SYN3: variants seen among roughly 807,000 people sequenced by gnomAD.
The protein encoded by SYN3 is synapsin III.
A neutral mutation model predicts 65.8 loss-of-function variants in SYN3; 35 were observed. That is an observed-to-expected ratio of 0.53 (90% CI 0.41 to 0.70). The LOEUF (loss-of-function observed/expected upper bound fraction) is 0.70. Among genes scored for constraint, SYN3 ranks in the 30% least tolerant of loss-of-function variants. The probability of loss-of-function intolerance (pLI) is 0.00; values close to 1 mark genes in which losing one functional copy is unlikely to be tolerated. For synonymous variants in SYN3, 270 were observed against 292.9 expected, an observed-to-expected ratio of 0.92 and a Z score of 0.80; for missense variants, 680 against 749.0, an observed-to-expected ratio of 0.91 and a Z score of 1.08.
chr22:32,969,149 G>A (rs973580071), intron 3 of SYN3, among the ~76,000 whole-genome samples: 2 of 152,156 alleles, frequency 1.3e-5, no homozygotes, highest in African/African-American at 2.4e-5. Context: ...AACTGAGCTG[G>A]GTTTCCCAGT....
At chr22:32,858,281 C>T (rs924913193) in intron 6 of SYN3, 19 of 1,201,894 alleles carry the variant, frequency 1.6e-5, no homozygotes, top group Admixed American at 2.5e-5. Context: ...CAGGTCTGAG[C>T]AGATATAGTA....
intron 6 of SYN3, among the ~76,000 whole-genome samples, chr22:32,642,644 G>A (rs184932161): frequency 5.0e-4 from 76 of 151,986 alleles, no homozygotes; most frequent in Admixed American, 9.8e-4. Flanking sequence ...GTTTCACCGT[G>A]GTCTCGATCT....
intron 9 of SYN3, among the ~76,000 whole-genome samples, chr22:32,537,098 T>C (rs777035628): frequency 1.3e-5 from 2 of 152,138 alleles, no homozygotes; most frequent in Non-Finnish European, 2.9e-5. Flanking sequence ...TCACAGGGCA[T>C]GCAGGCAAGA....
chr22:32,890,701 G>GT (rs777586154), intron 4 of SYN3, among the ~76,000 whole-genome samples: 3 of 151,934 alleles, frequency 2.0e-5, no homozygotes, highest in South Asian at 2.1e-4. Context: ...TTTTTAACCT[G>GT]TTTTTTCACA....
At chr22:32,744,578 G>A (rs1232769321) in intron 6 of SYN3, among the ~76,000 whole-genome samples, 4 of 152,196 alleles carry the variant, frequency 2.6e-5, no homozygotes, top group African/African-American at 9.6e-5. Context: ...AGGTTAATAA[G>A]TAAGAGACGG....
chr22:32,530,581 T>A (rs976144034), intron 10 of SYN3, among the ~76,000 whole-genome samples: 3 of 151,304 alleles, frequency 2.0e-5, no homozygotes, highest in African/African-American at 7.3e-5. Context: ...CGGGCCTATT[T>A]TTTTTTTTTT....
chr22:32,541,068 G>T (rs1010505620), intron 8 of SYN3, among the ~76,000 whole-genome samples: 1 of 152,166 alleles, frequency 6.6e-6, no homozygotes, highest in Admixed American at 6.5e-5. Context: ...AACCCATTAA[G>T]TTAATGAGAT....
At chr22:32,546,493 C>T (rs921435271) in intron 7 of SYN3, among the ~76,000 whole-genome samples, 6 of 152,050 alleles carry the variant, frequency 3.9e-5, no homozygotes, top group South Asian at 2.1e-4. Flanking sequence ...TCTTGAGAAC[C>T]GGAAGAATTC....
intron 4 of SYN3, among the ~76,000 whole-genome samples, chr22:32,870,498 A>T (rs900121898): frequency 6.6e-6 from 1 of 152,220 alleles, no homozygotes; most frequent in Non-Finnish European, 1.5e-5. Context: ...CCAATATTTC[A>T]TATACAAATC....
Position 32,642,641 on chromosome 22 carries a change from C to T in SYN3, c.712-45905G>A, listed in dbSNP as rs564310628. ...ATTTTTAGTCGAGATGGGGTTTCAC[C>T]GTGGTCTCGATCTCCTGACCTCGTG... On this transcript the variant is annotated intron_variant, in intron 6 of 13. Transcript: ENST00000358763. Among the ~76,000 whole-genome samples the T allele has an allele frequency of 2.4e-4, 36 of 151,924 alleles. No homozygotes were observed. The East Asian group carries it at 4.5e-3, about 19-fold the overall frequency.
At chr22:32,553,748 C>A (rs2858340) in intron 7 of SYN3, among the ~76,000 whole-genome samples, 4,487 of 152,174 alleles carry the variant, frequency 0.029, 216 homozygotes, top group African/African-American at 0.1. Context: ...TATGGGACAC[C>A]CAGTGAGGTG....
intron 4 of SYN3, among the ~76,000 whole-genome samples, chr22:32,921,260 T>C (rs2146637769): frequency 6.6e-6 from 1 of 152,346 alleles, no homozygotes; most frequent in Non-Finnish European, 1.5e-5. Context: ...AAACTTTTCA[T>C]AGATGACATC....
At chr22:32,600,090 CTAT>C (rs547751556) in intron 6 of SYN3, among the ~76,000 whole-genome samples, 2 of 152,084 alleles carry the variant, frequency 1.3e-5, no homozygotes, top group Non-Finnish European at 2.9e-5. Context: ...CATTTTATTT[CTAT>C]TATTATTACC....
intron 6 of SYN3, among the ~76,000 whole-genome samples, chr22:32,597,200 T>C (rs2059212906): frequency 7.4e-6 from 1 of 135,566 alleles, no homozygotes; most frequent in South Asian, 2.4e-4. Flanking sequence ...TCTTACATTA[T>C]TCTCTTTTTT....
intron 6 of SYN3, among the ~76,000 whole-genome samples, chr22:32,863,758 T>C (rs2048612185): frequency 6.6e-6 from 1 of 152,218 alleles, no homozygotes; most frequent in Admixed American, 6.5e-5. Flanking sequence ...CCACGGTTTT[T>C]ACCTGAAGAA....
intron 6 of SYN3, among the ~76,000 whole-genome samples, chr22:32,742,263 C>T (rs12159164): frequency 3.3e-5 from 5 of 151,524 alleles, no homozygotes; most frequent in African/African-American, 1.2e-4. Flanking sequence ...GTGACAGAGT[C>T]CATCTCAAAG....
At chr22:32,561,178 G>A (rs927905792) in intron 7 of SYN3, among the ~76,000 whole-genome samples, 1 of 152,162 alleles carries the variant, frequency 6.6e-6, no homozygotes, top group Non-Finnish European at 1.5e-5. Context: ...GACCCCTGAA[G>A]CCCAGAATGT....
chr22:32,860,547 T>TA (rs1417350661), intron 6 of SYN3: 1 of 152,676 alleles, frequency 6.5e-6, no homozygotes, highest in East Asian at 1.9e-4. Context: ...TTTTTCATTT[T>TA]AATTAAAATT....
At chr22:32,678,146 G>A (rs1194754208) in intron 6 of SYN3, among the ~76,000 whole-genome samples, 2 of 152,160 alleles carry the variant, frequency 1.3e-5, no homozygotes, top group Non-Finnish European at 2.9e-5. Context: ...GGGGAGATTC[G>A]TGGCTGAATT....
Sources: gnomAD v4.1 joint callset for allele counts (sites outside exome capture counted in the v4.1 genomes callset) on GRCh38, gnomAD v4.1.1 for gene constraint, MANE v1.5 for transcripts, NCBI Gene and HGNC (gene_info 2026-07-23, HGNC 2026-07-21) for gene names.